Variants in UBE2E2 observed in about 807,000 individuals in gnomAD.
UBE2E2 encodes the protein ubiquitin conjugating enzyme E2 E2.
A neutral mutation model predicts 24.7 loss-of-function variants in UBE2E2; 6 were observed. The observed-to-expected ratio is 0.24, with a 90% CI of 0.13 to 0.48. The LOEUF (loss-of-function observed/expected upper bound fraction) is 0.48, where lower values mean the gene tolerates loss of function less well. UBE2E2 is among the 20% of genes least tolerant of loss of function. The pLI is 0.99. For synonymous variants in UBE2E2, 104 were observed against 83.6 expected (o/e 1.24, Z -1.33); for missense variants, 169 against 245.0 (o/e 0.69, Z 2.07).
chr3:23,279,036 G>T (rs919431249), intron 3 of UBE2E2, among the ~76,000 whole-genome samples: 2 of 152,044 alleles, frequency 1.3e-5, no homozygotes, highest in African/African-American at 4.8e-5. Flanking sequence ...ATGAGGTCTT[G>T]AGTCATCGTG....
At chr3:23,416,079 CT>C (rs1439225488) in intron 3 of UBE2E2, among the ~76,000 whole-genome samples, 1 of 152,162 alleles carries the variant, frequency 6.6e-6, no homozygotes, top group Admixed American at 6.5e-5. Context: ...TGAACTCATC[CT>C]TTTTTATGGC....
intron 5 of UBE2E2, among the ~76,000 whole-genome samples, chr3:23,568,718 CACATATATATGTAT>C (rs1273251481): frequency 1.5e-5 from 2 of 134,296 alleles, no homozygotes; most frequent in Non-Finnish European, 3.1e-5. Flanking sequence ...CATGTATATA[CACATATATATGTAT>C]ACATATATAT....
At chr3:23,507,120 A>G (rs1287618556) in intron 4 of UBE2E2, among the ~76,000 whole-genome samples, 1 of 152,064 alleles carries the variant, frequency 6.6e-6, no homozygotes, top group Non-Finnish European at 1.5e-5. Flanking sequence ...AAGCCTTTCC[A>G]TTTGTTCTTC....
intron 3 of UBE2E2, among the ~76,000 whole-genome samples, chr3:23,405,538 T>TA (rs1697335844): frequency 6.6e-6 from 1 of 152,084 alleles, no homozygotes; most frequent in African/African-American, 2.4e-5. Flanking sequence ...TTTTTCCCCA[T>TA]AAAATTTTAT....
intron 5 of UBE2E2, among the ~76,000 whole-genome samples, chr3:23,548,335 C>G (rs1195533409): frequency 6.6e-6 from 1 of 152,190 alleles, no homozygotes; most frequent in Non-Finnish European, 1.5e-5. Flanking sequence ...GACTCTGTTG[C>G]ATTTTGCTTT....
chr3:23,362,740 A>G (rs988633144), intron 3 of UBE2E2, among the ~76,000 whole-genome samples: 2 of 152,134 alleles, frequency 1.3e-5, no homozygotes, highest in African/African-American at 4.8e-5. Flanking sequence ...GTCCTGGGAA[A>G]CACCTGGACA....
chr3:23,223,288 G>A (rs1001729092), intron 3 of UBE2E2, among the ~76,000 whole-genome samples: 1 of 151,688 alleles, frequency 6.6e-6, no homozygotes, highest in Non-Finnish European at 1.5e-5. Flanking sequence ...TGCCTCCCAG[G>A]TTCAAGTGAT....
chr3:23,216,894 A>C (rs559876782), intron 2 of UBE2E2, among the ~76,000 whole-genome samples: 2 of 152,256 alleles, frequency 1.3e-5, no homozygotes, highest in South Asian at 4.1e-4. Flanking sequence ...CTTGGATTTA[A>C]CTTAATATCA....
chr3:23,495,192 C>T (rs1699576313), intron 3 of UBE2E2, among the ~76,000 whole-genome samples: 1 of 152,176 alleles, frequency 6.6e-6, no homozygotes, highest in African/African-American at 2.4e-5. Context: ...TTTTAGTCCA[C>T]TGTTAATAAC....
intron 3 of UBE2E2, among the ~76,000 whole-genome samples, chr3:23,448,523 A>G (rs1432287936): frequency 6.6e-6 from 1 of 152,146 alleles, no homozygotes; most frequent in Non-Finnish European, 1.5e-5. Flanking sequence ...ATTGGAAGCT[A>G]ATTGGGAATG....
At chr3:23,250,207 T>G (rs575448186) in intron 3 of UBE2E2, among the ~76,000 whole-genome samples, 3 of 152,200 alleles carry the variant, frequency 2.0e-5, no homozygotes, top group Admixed American at 6.5e-5. Flanking sequence ...AGCCATTAAG[T>G]AGATAAGCCA....
At chr3:23,349,156 G>C (rs994945362) in intron 3 of UBE2E2, among the ~76,000 whole-genome samples, 2 of 152,180 alleles carry the variant, frequency 1.3e-5, no homozygotes, top group Non-Finnish European at 2.9e-5. Context: ...TGCTGACCAA[G>C]TGGATGAAGT....
chr3:23,479,119 C>T (rs1487875792), intron 3 of UBE2E2, among the ~76,000 whole-genome samples: 1 of 152,094 alleles, frequency 6.6e-6, no homozygotes, highest in African/African-American at 2.4e-5. Context: ...TTGCTTGGGC[C>T]CACTGGGCTC....
At chr3:23,514,131 C>T (rs1180731149) in intron 4 of UBE2E2, among the ~76,000 whole-genome samples, 1 of 152,196 alleles carries the variant, frequency 6.6e-6, no homozygotes, top group African/African-American at 2.4e-5. Flanking sequence ...TTATGATTTG[C>T]CAGTACATTT....
intron 3 of UBE2E2, among the ~76,000 whole-genome samples, chr3:23,270,760 G>A (rs2125362557): frequency 6.6e-6 from 1 of 152,310 alleles, no homozygotes. Flanking sequence ...GGTCTGATTT[G>A]TGTGGATTTT....
At chr3:23,385,979 T>G (rs1042493469) in intron 3 of UBE2E2, among the ~76,000 whole-genome samples, 4 of 152,190 alleles carry the variant, frequency 2.6e-5, no homozygotes, top group Non-Finnish European at 5.9e-5. Context: ...AAACTAAATT[T>G]TTTCAACTTA....
chr3:23,502,246 TTC>T (rs745873871), intron 4 of UBE2E2, among the ~76,000 whole-genome samples: 3 of 142,354 alleles, frequency 2.1e-5, no homozygotes, highest in Non-Finnish European at 4.6e-5. Flanking sequence ...TTTTTTTTTT[TTC>T]ACGTTAGCCA....
At chr3:23,210,556 T>C (rs1696293973) in intron 2 of UBE2E2, among the ~76,000 whole-genome samples, 1 of 152,192 alleles carries the variant, frequency 6.6e-6, no homozygotes, top group Non-Finnish European at 1.5e-5. Context: ...TACTACAGTA[T>C]ATAGAGAAAG....
chr3:23,561,613 T>A (rs971013810), intron 5 of UBE2E2, among the ~76,000 whole-genome samples: 2 of 150,912 alleles, frequency 1.3e-5, no homozygotes, highest in African/African-American at 4.9e-5. Flanking sequence ...GTGAAGAAAG[T>A]CATTGGTAGC....
Sources: gnomAD v4.1 joint callset for allele counts (sites outside exome capture counted in the v4.1 genomes callset) on GRCh38, gnomAD v4.1.1 for gene constraint, MANE v1.5 for transcripts, NCBI Gene and HGNC (gene_info 2026-07-23, HGNC 2026-07-21) for gene names.